Variants in MYO5C observed in about 807,000 individuals in gnomAD.
The protein encoded by MYO5C is unconventional myosin-Vc.
A neutral mutation model predicts 235.7 loss-of-function variants in MYO5C; 194 were observed. The observed-to-expected ratio is 0.82, with a 90% CI of 0.73 to 0.93. The LOEUF (loss-of-function observed/expected upper bound fraction) is 0.93. Among genes scored for constraint, MYO5C ranks in the 40% least tolerant of loss-of-function variants. The pLI is 0.00. For synonymous variants in MYO5C, 707 were observed against 754.8 expected, an observed-to-expected ratio of 0.94 and a Z score of 1.04; for missense variants, 2,038 against 2,127.2, an observed-to-expected ratio of 0.96 and a Z score of 0.82.
intron 1 of MYO5C, among the ~76,000 whole-genome samples, chr15:52,285,731 G>A (rs1194770192): frequency 1.3e-5 from 2 of 152,350 alleles, no homozygotes; most frequent in Middle Eastern, 3.4e-3. Flanking sequence ...TCGGCTTCCC[G>A]AGTTGCTGGG....
chr15:52,195,252 G>A (rs2035019787), intron 40 of MYO5C, 125 bp downstream of exon 40: 1 of 592,852 alleles, frequency 1.7e-6, no homozygotes, highest in Non-Finnish European at 2.8e-6. Flanking sequence ...TGAGCTGGGT[G>A]CCTTTCATTT....
At chr15:52,273,793 AGACT>A (rs1473019911) in intron 5 of MYO5C, among the ~76,000 whole-genome samples, 5 of 152,204 alleles carry the variant, frequency 3.3e-5, no homozygotes, top group African/African-American at 1.2e-4. Flanking sequence ...ATAGCAGCCC[AGACT>A]GACCAGAACA....
At position 52,232,235 on chromosome 15, in the gene MYO5C, A is replaced by AAGAAAGAAGGAAGGAG. The variant is rs1555414531; in HGVS notation, c.3026+371_3026+386dup. Among the ~76,000 whole-genome samples the AAGAAAGAAGGAAGGAG allele has an allele frequency of 6.5e-3, 98 of 15,126 alleles. 6 individuals are homozygous for AAGAAAGAAGGAAGGAG. Among genetic ancestry groups the AAGAAAGAAGGAAGGAG allele is most frequent in the African/African-American group, 0.012 (95 of 8,044 alleles). 9.9% of individuals were successfully genotyped at this position (15,126 alleles called of 152,430 possible). On this transcript the variant is annotated intron_variant, in intron 24 of 40. Transcript: ENST00000261839. ...AAGAAAGAAAATGAAAGAAAGAAGA[A>AAGAAAGAAGGAAGGAG]AGAAAGAAGGAAGGAGAGAAGGAAG...
intron 38 of MYO5C, among the ~76,000 whole-genome samples, chr15:52,200,016 C>G (rs2035150356): frequency 6.6e-6 from 1 of 152,180 alleles, no homozygotes; most frequent in Non-Finnish European, 1.5e-5. Context: ...GGGTTTATCC[C>G]TGAGCCCACG....
At chr15:52,290,530 A>G (rs1431883412) in intron 1 of MYO5C, among the ~76,000 whole-genome samples, 2 of 152,004 alleles carry the variant, frequency 1.3e-5, no homozygotes, top group Admixed American at 6.6e-5. Flanking sequence ...TTCCTCTTGC[A>G]CAAGTGAAAG....
chr15:52,225,539 C>T lies in MYO5C; in HGVS notation c.3208-7G>A. 6.3e-7 allele frequency: 1 copy of T among 1,596,068 alleles called. No homozygotes were observed. Among genetic ancestry groups the T allele is most frequent in the African/African-American group, 1.3e-5 (1 of 74,798 alleles). On this transcript the variant is annotated splice_region_variant and splice_polypyrimidine_tract_variant and intron_variant, in intron 25 of 40. Coordinates refer to ENST00000261839, the MANE Select transcript of MYO5C (RefSeq NM_018728.4). ...TTTCGAACTCAGAGATTGTCTGAAT[C>T]ACAGCAATGACGGAATCAGGTAAAG...
At position 52,225,094 on chromosome 15, in the gene MYO5C, T is replaced by C. The variant is rs1233713173; in HGVS notation, c.3346A>G (p.Ile1116Val). The C allele has an allele frequency of 2.4e-5, 38 of 1,614,030 alleles. No individual in the cohort carries two copies. Among genetic ancestry groups the C allele is most frequent in the Non-Finnish European group, 3.1e-5 (37 of 1,180,010 alleles). The change falls in exon 27 of 41, where the codon ATT (isoleucine) becomes GTT (valine). Residue 1116 changes from isoleucine (I) to valine (V), a missense_variant. Transcript: ENST00000261839. ...ITKQLLESYDIEDVRSRLSVE... is the reference protein window; with the variant it reads ...ITKQLLESYDVEDVRSRLSVE... ...GATTACCTGCTTCTTACATCTTCAA[T>C]GTCATAGCTTTCGAGAAGTTGTTTG...
chr15:52,206,404 T>C (rs1167604008), intron 36 of MYO5C, among the ~76,000 whole-genome samples: 2 of 152,178 alleles, frequency 1.3e-5, no homozygotes, highest in Non-Finnish European at 1.5e-5. Context: ...TGTGTCTTCC[T>C]AAAAATCATA....
At position 52,205,023 on chromosome 15, in the gene MYO5C, C is replaced by G; in HGVS notation, c.4662G>C (p.Gln1554His). Residue 1554 changes from glutamine to histidine, a missense_variant, in exon 38 of 41, where the codon CAG (glutamine) becomes CAC (histidine). Gln to His is a conservative substitution (Grantham distance 24). Coordinates refer to ENST00000261839, the MANE Select transcript of MYO5C (RefSeq NM_018728.4). ...DGYTMTSVLQ[Q>H]LSYFYTTMCQ... is the part of the protein sequence containing the mutation. ...ACATGGTGGTGTAAAAGTAGCTCAG[C>G]TGTTGCAGGACGGAGGTCATGGTGT... The G allele has an allele frequency of 6.2e-7, 1 of 1,614,244 alleles. No individual in the cohort carries two copies. The highest frequency in any genetic ancestry group is 1.7e-5 in the Admixed American group (1 of 60,030).
intron 8 of MYO5C, among the ~76,000 whole-genome samples, chr15:52,267,251 T>A (rs1373347241): frequency 6.6e-6 from 1 of 152,142 alleles, no homozygotes; most frequent in African/African-American, 2.4e-5. Context: ...TTTGGACAAT[T>A]GGGAATGTAG....
Position 52,199,475 on chromosome 15 carries a change from G to A in MYO5C, c.4821-2992C>T, listed in dbSNP as rs529487280. Among the ~76,000 whole-genome samples the A allele has an allele frequency of 1.8e-3, 280 of 152,226 alleles. 1 individual carries two copies. Among genetic ancestry groups the A allele is most frequent in the African/African-American group, 6.5e-3 (268 of 41,524 alleles). On this transcript the variant is annotated intron_variant, in intron 38 of 40. Transcript: ENST00000261839. Reference sequence around the variant, plus strand: ...AAATAGTAGCAGGTGTATTGGGGAAGATGACCAGAATTTGAAGTCCTTCCA... The same window carrying A: ...AAATAGTAGCAGGTGTATTGGGGAAAATGACCAGAATTTGAAGTCCTTCCA...
chr15:52,269,641 T>A (rs2036878067), intron 8 of MYO5C, 112 bp downstream of exon 8: 1 of 688,470 alleles, frequency 1.5e-6, no homozygotes, highest in Non-Finnish European at 2.5e-6. Context: ...TCCGCCCACC[T>A]CAGCCTCCCA....
intron 1 of MYO5C, among the ~76,000 whole-genome samples, chr15:52,283,665 G>A (rs577391059): frequency 2.6e-5 from 4 of 152,196 alleles, no homozygotes; most frequent in South Asian, 4.2e-4. Flanking sequence ...AGGGTAAGGC[G>A]CTGACCCAAT....
chr15:52,273,126 T>G (rs1327091046), intron 5 of MYO5C, among the ~76,000 whole-genome samples: 2 of 152,078 alleles, frequency 1.3e-5, no homozygotes, highest in Non-Finnish European at 2.9e-5. Context: ...TGAGACCAGA[T>G]GAGGCAACAC....
chr15:52,196,622 T>A, intron 38 of MYO5C, 139 bp from the exon 39 acceptor site: 1 of 742,126 alleles, frequency 1.3e-6, no homozygotes, highest in Non-Finnish European at 2.2e-6. Context: ...AATGAGGGAG[T>A]TGGACTGATG....
chr15:52,268,477 C>A (rs1200413509), intron 8 of MYO5C, among the ~76,000 whole-genome samples: 1 of 151,870 alleles, frequency 6.6e-6, no homozygotes, highest in Non-Finnish European at 1.5e-5. Flanking sequence ...GCAGGGGAAC[C>A]GCTTGAATCG....
chr15:52,240,921 T>G (rs1378457570), intron 20 of MYO5C, among the ~76,000 whole-genome samples: 2 of 152,190 alleles, frequency 1.3e-5, no homozygotes, highest in Non-Finnish European at 2.9e-5. Flanking sequence ...TCTCAACCCC[T>G]TTCCCATCCA....
chr15:52,237,387 T>C lies in MYO5C; in HGVS notation c.2868+95A>G, dbSNP rs1419747667. 3.4e-6 allele frequency: 5 copies of C among 1,450,554 alleles called. No individual in the cohort carries two copies. The African/African-American group carries it at 5.7e-5, about 16-fold the overall frequency. The allele number at this position is 1,450,554 out of a possible 1,614,324, so 89.9% of individuals were successfully genotyped here. On this transcript the variant is annotated intron_variant, in intron 22 of 40. Coordinates refer to ENST00000261839, the MANE Select transcript of MYO5C (RefSeq NM_018728.4). ...GTTGATAGCAAAATCTGATTTGCTC[T>C]GCAGAAATCCACTTCATAGGAAAAG...
At chr15:52,275,459 A>T in intron 5 of MYO5C, 103 bp downstream of exon 5, 1 of 1,415,956 alleles carries the variant, frequency 7.1e-7, no homozygotes, top group Non-Finnish European at 9.9e-7. Context: ...TCACTTCTTT[A>T]GTCTTTAAAG....
Sources: gnomAD v4.1 joint callset for allele counts (sites outside exome capture counted in the v4.1 genomes callset) on GRCh38, gnomAD v4.1.1 for gene constraint, MANE v1.5 for transcripts, NCBI Gene and HGNC (gene_info 2026-07-23, HGNC 2026-07-21) for gene names.